Variants in SH3RF3 observed in about 807,000 individuals in gnomAD.
The protein encoded by SH3RF3 is SH3 domain containing ring finger 3.
In SH3RF3, 29 loss-of-function variants were observed where a neutral mutation model predicts 66.3. That is an observed-to-expected ratio of 0.44 (90% CI 0.33 to 0.60). The LOEUF (loss-of-function observed/expected upper bound fraction) is 0.60. SH3RF3 is among the 20% of genes least tolerant of loss of function. The pLI is 0.04. For synonymous variants in SH3RF3, 583 were observed against 532.0 expected (o/e 1.10, Z -1.32); for missense variants, 1,194 against 1,190.9 (o/e 1.00, Z -0.04).
At chr2:109,398,134 C>T (rs4309609) in intron 3 of SH3RF3, among the ~76,000 whole-genome samples, 6,968 of 152,284 alleles carry the variant, frequency 0.046, 527 homozygotes, top group African/African-American at 0.16. Context: ...ATTCCAGTCA[C>T]ATGCTTTGAA....
In SH3RF3 at chr2:109,474,612, G is replaced by T. The variant is rs114046621; in HGVS notation, c.2149-15993G>T. Among the ~76,000 whole-genome samples, 9 of 152,322 alleles carry T rather than the reference G, an allele frequency of 5.9e-5. No individual in the cohort carries two copies. In the East Asian group the frequency reaches 1.2e-3, roughly 20 times the overall value. On this transcript the variant is annotated intron_variant, in intron 8 of 9. Coordinates refer to ENST00000309415, the MANE Select transcript of SH3RF3 (RefSeq NM_001099289.3). ...TTCAGACTTACCCAGGTTTGGGCAG[G>T]GGGGGAGAACGCAGGTGAAATTCCA... is the stretch of plus-strand genomic sequence containing the variant.
At chr2:109,205,795 G>A (rs1678796206) in intron 1 of SH3RF3, among the ~76,000 whole-genome samples, 2 of 152,158 alleles carry the variant, frequency 1.3e-5, no homozygotes, top group Non-Finnish European at 1.5e-5. Flanking sequence ...AGCAGCGGGG[G>A]GATCAGAGAC....
intron 1 of SH3RF3, among the ~76,000 whole-genome samples, chr2:109,143,863 A>C (rs1309741656): frequency 3.3e-5 from 5 of 152,150 alleles, no homozygotes; most frequent in African/African-American, 1.2e-4. Context: ...AATATTATTC[A>C]ATCTTAAAAA....
chr2:109,133,526 A>G (rs1221918446), intron 1 of SH3RF3, among the ~76,000 whole-genome samples: 2 of 152,148 alleles, frequency 1.3e-5, no homozygotes, highest in South Asian at 2.1e-4. Flanking sequence ...GAACACAGTC[A>G]CCTTTTATGA....
At chr2:109,228,219 A>G (rs1013408907) in intron 1 of SH3RF3, among the ~76,000 whole-genome samples, 5 of 152,130 alleles carry the variant, frequency 3.3e-5, no homozygotes, top group Non-Finnish European at 5.9e-5. Flanking sequence ...CAGCCCTCCT[A>G]GTCCCCAGGA....
intron 1 of SH3RF3, among the ~76,000 whole-genome samples, chr2:109,256,517 A>G (rs184831808): frequency 3.9e-5 from 6 of 152,304 alleles, no homozygotes; most frequent in Admixed American, 1.3e-4. Context: ...ACCAAGGCCC[A>G]GGTTCAGTCC....
At chr2:109,290,293 TA>T (rs1681133579) in intron 1 of SH3RF3, among the ~76,000 whole-genome samples, 1 of 152,228 alleles carries the variant, frequency 6.6e-6, no homozygotes, top group Non-Finnish European at 1.5e-5. Flanking sequence ...CTCTTTCTAG[TA>T]ATATAACACA....
Position 109,371,596 on chromosome 2 carries a change from T to G in SH3RF3, c.860T>G (p.Leu287Arg). 1 of 1,614,012 alleles carries G rather than the reference T, an allele frequency of 6.2e-7. No homozygotes were observed. Among genetic ancestry groups the G allele is most frequent in the South Asian group, 1.1e-5 (1 of 91,048 alleles). Reference protein sequence around the residue: ...DCLTFTKDEILTVLRRVDENW... With the variant: ...DCLTFTKDEIRTVLRRVDENW... ...GACCCGGAACTGCAGGACGAGATTC[T>G]GACGGTGCTCAGGAGAGTGGATGAG... The change falls in exon 3 of 10, where the codon CTG becomes CGG. Residue 287 changes from leucine (L) to arginine (R), a missense_variant. Physicochemically the swap from Leu to Arg is moderately radical, Grantham distance 102 (BLOSUM62 -2). Coordinates refer to ENST00000309415, the MANE Select transcript of SH3RF3 (RefSeq NM_001099289.3).
intron 1 of SH3RF3, among the ~76,000 whole-genome samples, chr2:109,284,832 G>GTGTT (rs112353633): frequency 6.6e-6 from 1 of 152,228 alleles, no homozygotes; most frequent in African/African-American, 2.4e-5. Context: ...TGGGGTGTGT[G>GTGTT]TGTTTAAGGA....
At position 109,234,463 on chromosome 2, in the gene SH3RF3, G is replaced by T. The variant is rs568131907; in HGVS notation, c.573+104350G>T. Reference sequence around the variant, plus strand: ...CTAGTGTTCTTTGGAACCAATTTTGGGGAACACTGGGCTAGAGAACACACA... The same window carrying T: ...CTAGTGTTCTTTGGAACCAATTTTGTGGAACACTGGGCTAGAGAACACACA... On this transcript the variant is annotated intron_variant, in intron 1 of 9. Transcript: ENST00000309415. Among the ~76,000 whole-genome samples the T allele has an allele frequency of 3.9e-5, 6 of 152,280 alleles. No homozygotes were observed. In the South Asian group the frequency reaches 1.2e-3, roughly 32 times the overall value.
intron 1 of SH3RF3, among the ~76,000 whole-genome samples, chr2:109,134,452 C>T (rs531251199): frequency 6.6e-6 from 1 of 152,272 alleles, no homozygotes; most frequent in South Asian, 2.1e-4. Flanking sequence ...AGTGTGGAAA[C>T]AGCAGTTTGC....
intron 1 of SH3RF3, among the ~76,000 whole-genome samples, chr2:109,171,000 C>T (rs1677767745): frequency 6.6e-6 from 1 of 152,152 alleles, no homozygotes; most frequent in Non-Finnish European, 1.5e-5. Flanking sequence ...GGAACCAAGC[C>T]CGGGAGGCAC....
chr2:109,450,591 C>T (rs1396665165), intron 8 of SH3RF3, among the ~76,000 whole-genome samples: 1 of 152,154 alleles, frequency 6.6e-6, no homozygotes. Flanking sequence ...TTCCATTAAA[C>T]CCAATATCCA....
chr2:109,294,884 G>A (rs1188168622), intron 1 of SH3RF3, among the ~76,000 whole-genome samples: 3 of 152,222 alleles, frequency 2.0e-5, no homozygotes, highest in African/African-American at 4.8e-5. Flanking sequence ...GAGTGAGAAA[G>A]ACTTAGTGAG....
chr2:109,428,417 A>G (rs1677095384), intron 5 of SH3RF3, among the ~76,000 whole-genome samples: 2 of 152,376 alleles, frequency 1.3e-5, no homozygotes, highest in African/African-American at 4.8e-5. Context: ...AACAGGCTGC[A>G]CGTGAAAGCA....
intron 1 of SH3RF3, among the ~76,000 whole-genome samples, chr2:109,335,030 G>A (rs545621519): frequency 6.6e-6 from 1 of 152,350 alleles, no homozygotes; most frequent in South Asian, 2.1e-4. Flanking sequence ...CGACTTACAT[G>A]TGCTCCCTGA....
chr2:109,201,928 G>C (rs908105590), intron 1 of SH3RF3, among the ~76,000 whole-genome samples: 2 of 152,184 alleles, frequency 1.3e-5, no homozygotes, highest in African/African-American at 2.4e-5. Context: ...AGGACCCGTG[G>C]CATCATAAAA....
At chr2:109,198,792 C>A (rs555826929) in intron 1 of SH3RF3, among the ~76,000 whole-genome samples, 1 of 152,218 alleles carries the variant, frequency 6.6e-6, no homozygotes, top group African/African-American at 2.4e-5. Flanking sequence ...GGAAGTACAG[C>A]CTTTGACATA....
At chr2:109,170,494 C>T (rs560449699) in intron 1 of SH3RF3, among the ~76,000 whole-genome samples, 2 of 152,164 alleles carry the variant, frequency 1.3e-5, no homozygotes, top group South Asian at 4.2e-4. Flanking sequence ...TGCAGGCGCA[C>T]ACCACCATGC....
Sources: gnomAD v4.1 joint callset for allele counts (sites outside exome capture counted in the v4.1 genomes callset) on GRCh38, gnomAD v4.1.1 for gene constraint, MANE v1.5 for transcripts, NCBI Gene and HGNC (gene_info 2026-07-23, HGNC 2026-07-21) for gene names.